The following CSMD1 variants were observed in gnomAD, a reference collection of about 807,000 sequenced individuals.
The protein encoded by CSMD1 is CUB and sushi domain-containing protein 1.
Under a neutral mutation model 417.5 loss-of-function variants are expected in CSMD1, and 213 were observed. That is an observed-to-expected ratio of 0.51 (90% CI 0.46 to 0.57). The LOEUF (loss-of-function observed/expected upper bound fraction) is 0.57, where lower values mean the gene tolerates loss of function less well. Among genes scored for constraint, CSMD1 ranks in the 20% least tolerant of loss-of-function variants. The pLI, the probability that CSMD1 is intolerant of heterozygous loss-of-function variation, is 0.00. For missense variants in CSMD1, 6,923 were observed against 4,529.7 expected (o/e 1.53, Z -15.17); for synonymous variants, 2,862 against 1,736.8 (o/e 1.65, Z -16.11).
chr8:3,558,457 GT>G (rs1799289340), intron 10 of CSMD1, among the ~76,000 whole-genome samples: 11 of 149,242 alleles, frequency 7.4e-5, no homozygotes, highest in South Asian at 2.1e-4. Flanking sequence ...GATGAATAGT[GT>G]CTCAATAGTA....
chr8:3,754,223 C>T (rs1320599830), intron 5 of CSMD1, among the ~76,000 whole-genome samples, 181 bp from the exon 6 acceptor site: 1 of 152,128 alleles, frequency 6.6e-6, no homozygotes, highest in Non-Finnish European at 1.5e-5. Flanking sequence ...TTTGCCCAAA[C>T]ATAAATGCTA....
chr8:3,865,590 T>G (rs1734646059), intron 5 of CSMD1, among the ~76,000 whole-genome samples: 1 of 152,110 alleles, frequency 6.6e-6, no homozygotes, highest in South Asian at 2.1e-4. Context: ...TTCAGGTGCC[T>G]CTCATCAGCA....
rs141991056 is a variant in CSMD1 at position 3,715,687 on chromosome 8, C to T, written c.932-7196G>A. ...CCTCCTGAGTAGCCGGGATTACAGG[C>T]ACCTGCCACCAAACCCACCTATTTT... On this transcript the variant is annotated intron_variant, in intron 6 of 69. Coordinates refer to ENST00000635120, the MANE Select transcript of CSMD1 (RefSeq NM_033225.6). 6.9e-3 allele frequency among the ~76,000 whole-genome samples: 1,051 copies of T among 152,240 alleles called. 6 individuals are homozygous for T. The highest frequency in any genetic ancestry group is 0.016 in the South Asian group (79 of 4,822).
intron 1 of CSMD1, among the ~76,000 whole-genome samples, chr8:4,927,493 T>G (rs1043606507): frequency 6.6e-6 from 1 of 152,206 alleles, no homozygotes. Flanking sequence ...CTTTGTAGCT[T>G]AGCTCTGCGA....
Position 4,638,286 on chromosome 8 carries a change from C to T in CSMD1, c.86-728G>A, listed in dbSNP as rs144348452. On this transcript the variant is annotated intron_variant, in intron 1 of 69. Transcript: ENST00000635120. The stretch of plus-strand genomic sequence containing the variant: ...TAAACATTATAAAACTATATACATA[C>T]ACACCTAGCCACATAACTGCAATAT... Among the ~76,000 whole-genome samples the T allele has an allele frequency of 7.8e-4, 119 of 152,210 alleles. No homozygotes were observed. The Middle Eastern group carries it at 0.014, about 17-fold the overall frequency.
At chr8:4,253,604 A>G (rs1289778808) in intron 3 of CSMD1, among the ~76,000 whole-genome samples, 1 of 152,190 alleles carries the variant, frequency 6.6e-6, no homozygotes, top group African/African-American at 2.4e-5. Flanking sequence ...ATGAGAAAGT[A>G]TCTGTCAAGT....
At chr8:3,077,641 G>A (rs969277289) in intron 49 of CSMD1, among the ~76,000 whole-genome samples, 2 of 152,202 alleles carry the variant, frequency 1.3e-5, no homozygotes, top group Non-Finnish European at 2.9e-5. Context: ...AACTTCCCCA[G>A]TAGCCTGAGG....
chr8:3,242,897 A>G (rs1799637258), intron 26 of CSMD1, among the ~76,000 whole-genome samples: 1 of 152,010 alleles, frequency 6.6e-6, no homozygotes, highest in African/African-American at 2.4e-5. Flanking sequence ...GGGGCGTGGA[A>G]ATAAGGCAGG....
intron 3 of CSMD1, among the ~76,000 whole-genome samples, chr8:4,316,038 A>G (rs1052862791): frequency 6.6e-6 from 1 of 152,150 alleles, no homozygotes; most frequent in Non-Finnish European, 1.5e-5. Flanking sequence ...ATTTGAAAAT[A>G]TCCCACTGAG....
intron 2 of CSMD1, among the ~76,000 whole-genome samples, chr8:4,607,887 T>C (rs1319356351): frequency 1.2e-4 from 18 of 152,216 alleles, no homozygotes; most frequent in Admixed American, 1.2e-3. Flanking sequence ...CTTGAATTCC[T>C]TCTTACTGTG....
At chr8:4,937,738 T>A (rs1807718517) in intron 1 of CSMD1, among the ~76,000 whole-genome samples, 2 of 152,022 alleles carry the variant, frequency 1.3e-5, no homozygotes, top group African/African-American at 4.8e-5. Flanking sequence ...CAGAGTAAGA[T>A]AAGTGTGATC....
chr8:4,724,540 G>GTGTC (rs57800248), intron 1 of CSMD1, among the ~76,000 whole-genome samples: 4 of 150,374 alleles, frequency 2.7e-5, no homozygotes, highest in South Asian at 2.1e-4. Context: ...GTGTGTGTGT[G>GTGTC]TGTGTGTGTG....
intron 24 of CSMD1, 56 bp downstream of exon 24, chr8:3,308,256 T>C (rs929049358): frequency 1.4e-6 from 2 of 1,387,648 alleles, no homozygotes; most frequent in African/African-American, 1.4e-5. Flanking sequence ...TGCAACATGG[T>C]GCAAGCACCC....
rs186927229 is a variant in CSMD1, at chr8:3,918,296, C to A, written c.818+79607G>T. ...AGCCTACAAACTCTTTTCATAAGGA[C>A]TGAGCCAATTTACATTCCTACCACC... is the stretch of plus-strand genomic sequence containing the variant. On this transcript the variant is annotated intron_variant, in intron 5 of 69. Transcript: ENST00000635120. Among the ~76,000 whole-genome samples the A allele has an allele frequency of 5.8e-3, 876 of 152,136 alleles. 2 individuals carry two copies. The highest frequency in any genetic ancestry group is 9.4e-3 in the Non-Finnish European group (639 of 68,000).
intron 36 of CSMD1, among the ~76,000 whole-genome samples, chr8:3,182,098 T>C (rs532291158): frequency 1.1e-3 from 160 of 152,132 alleles, no homozygotes; most frequent in Non-Finnish European, 2.0e-3. Context: ...AGATAAATTA[T>C]TCAAGTACTG....
At chr8:4,090,537 T>G (rs1390549259) in intron 3 of CSMD1, among the ~76,000 whole-genome samples, 1 of 152,234 alleles carries the variant, frequency 6.6e-6, no homozygotes, top group Non-Finnish European at 1.5e-5. Flanking sequence ...CTTCATGTCT[T>G]GGATTATCTT....
intron 8 of CSMD1, among the ~76,000 whole-genome samples, chr8:3,593,271 G>C (rs1003493912): frequency 6.6e-6 from 1 of 152,232 alleles, no homozygotes; most frequent in South Asian, 2.1e-4. Context: ...TGTGTGTTCA[G>C]GAGTAATGCA....
At chr8:3,687,415 G>A (rs557953225) in intron 7 of CSMD1, among the ~76,000 whole-genome samples, 8 of 152,248 alleles carry the variant, frequency 5.3e-5, no homozygotes, top group African/African-American at 1.7e-4. Flanking sequence ...ATTTTAGGCT[G>A]GAAAACTTGC....
intron 5 of CSMD1, among the ~76,000 whole-genome samples, chr8:3,905,967 T>A (rs980846421): frequency 6.6e-6 from 1 of 152,216 alleles, no homozygotes; most frequent in Non-Finnish European, 1.5e-5. Flanking sequence ...TTTGATTTTA[T>A]CAAACCTGTT....
Sources: gnomAD v4.1 joint callset for allele counts (sites outside exome capture counted in the v4.1 genomes callset) on GRCh38, gnomAD v4.1.1 for gene constraint, MANE v1.5 for transcripts, NCBI Gene and HGNC (gene_info 2026-07-23, HGNC 2026-07-21) for gene names.